C9: variants seen among roughly 807,000 people sequenced by gnomAD.
C9 encodes complement component C9.
A neutral mutation model predicts 65.4 loss-of-function variants in C9; 63 were observed. The ratio of observed to expected loss-of-function variants is 0.96; its 90% CI spans 0.79 to 1.19. The LOEUF (loss-of-function observed/expected upper bound fraction) is 1.19. Among genes scored for constraint, C9 ranks in the 50% most tolerant of loss-of-function variants. C9 has a pLI of 0.00. For missense variants in C9, 744 were observed against 670.1 expected (o/e 1.11, Z -1.22); for synonymous variants, 229 against 227.9 (o/e 1.00, Z -0.04).
At chr5:39,343,719 C>A (rs905893425) in intron 1 of C9, among the ~76,000 whole-genome samples, 1 of 152,224 alleles carries the variant, frequency 6.6e-6, no homozygotes, top group Non-Finnish European at 1.5e-5. Context: ...AATGGACAGA[C>A]TGCCTCCTCA....
At chr5:39,309,873 G>C (rs1753448571) in intron 7 of C9, among the ~76,000 whole-genome samples, 1 of 152,094 alleles carries the variant, frequency 6.6e-6, no homozygotes, top group Non-Finnish European at 1.5e-5. Context: ...ACAACTCCTA[G>C]TCTGAAGATT....
At chr5:39,349,916 C>T (rs1354686934) in intron 1 of C9, among the ~76,000 whole-genome samples, 1 of 152,206 alleles carries the variant, frequency 6.6e-6, no homozygotes, top group Non-Finnish European at 1.5e-5. Flanking sequence ...ATGTCTCTCT[C>T]TCTCTCTTAT....
intron 5 of C9, among the ~76,000 whole-genome samples, chr5:39,322,969 A>G (rs1451345110): frequency 4.6e-5 from 7 of 152,096 alleles, no homozygotes; most frequent in Admixed American, 6.5e-5. Context: ...AATTCCTCAT[A>G]GATACTGAGG....
chr5:39,331,790 G>A lies in C9; in HGVS notation c.501C>T (p.Pro167=). The A allele has an allele frequency of 7.4e-6, 12 of 1,613,552 alleles. No individual in the cohort carries two copies. The highest frequency in any genetic ancestry group is 9.3e-6 in the Non-Finnish European group (11 of 1,179,482). Residue 167 remains proline (P), a synonymous_variant, in exon 5 of 11, where the codon CCC becomes CCT. Transcript: ENST00000263408. Reference sequence around the variant, plus strand: ...ACTCATTGTCAAAAGGTGTGCTTAGGGGATCCATCCCTAAAATGTTGATCC... The same window carrying A: ...ACTCATTGTCAAAAGGTGTGCTTAGAGGATCCATCCCTAAAATGTTGATCC... ...GYGINILGMD[P]LSTPFDNEFY... is the part of the protein sequence containing the mutation.
intron 4 of C9, among the ~76,000 whole-genome samples, chr5:39,332,351 A>G (rs1244229210): frequency 1.3e-5 from 2 of 152,184 alleles, no homozygotes; most frequent in South Asian, 2.1e-4. Context: ...CTCCAGGCTT[A>G]TATTATTCCC....
chr5:39,342,171 T>G lies in C9; in HGVS notation c.103A>C (p.Ser35Arg). 3 of 1,603,042 alleles carry G rather than the reference T, an allele frequency of 1.9e-6. No individual in the cohort carries two copies. In the South Asian group the frequency reaches 3.3e-5, roughly 18 times the overall value. Reference protein sequence around the residue: ...TSYDPELTESSGSASHIDCRM... With the variant: ...TSYDPELTESRGSASHIDCRM... Reference sequence around the variant, plus strand: ...CAGTCTATGTGTGATGCAGAGCCACTGCTTTCTGTTAGCTCTGGGTCATAA... The same window carrying G: ...CAGTCTATGTGTGATGCAGAGCCACGGCTTTCTGTTAGCTCTGGGTCATAA... Residue 35 changes from serine (S) to arginine (R), a missense_variant, in exon 2 of 11, where the codon AGT becomes CGT. Ser to Arg is a moderately radical substitution (Grantham distance 110, BLOSUM62 -1). Coordinates refer to ENST00000263408, the MANE Select transcript of C9 (RefSeq NM_001737.5).
intron 8 of C9, among the ~76,000 whole-genome samples, chr5:39,307,666 T>A (rs1226395699): frequency 1.3e-5 from 2 of 152,144 alleles, no homozygotes; most frequent in Non-Finnish European, 1.5e-5. Context: ...GTATTTCTGA[T>A]TAGAGGAAAA....
At chr5:39,359,010 A>C (rs1206568091) in intron 1 of C9, among the ~76,000 whole-genome samples, 4 of 39,612 alleles carry the variant, frequency 1.0e-4, no homozygotes, top group Non-Finnish European at 1.9e-4. Flanking sequence ...TAAATAAATA[A>C]ATAAAAAATA....
At chr5:39,331,840 A>C in intron 4 of C9, 26 bp from the exon 5 acceptor site, 1 of 1,608,602 alleles carries the variant, frequency 6.2e-7, no homozygotes, top group Admixed American at 1.7e-5. Context: ...GTAGTATCAG[A>C]AGTGGAAATA....
intron 6 of C9, among the ~76,000 whole-genome samples, chr5:39,314,171 T>TG (rs1233204321): frequency 6.6e-6 from 1 of 152,072 alleles, no homozygotes; most frequent in Non-Finnish European, 1.5e-5. Flanking sequence ...TCAAGTAGGC[T>TG]GGGCGCGGTG....
At position 39,285,161 on chromosome 5, in the gene C9, T is replaced by G. The variant is rs1431279191; in HGVS notation, c.*38A>C. Reference sequence around the variant, plus strand: ...GGGGTAGGATCTGAAGGTACTAGTGTTTTCTTCTTCCACTGGAGCTCAGAG... The same window carrying G: ...GGGGTAGGATCTGAAGGTACTAGTGGTTTCTTCTTCCACTGGAGCTCAGAG... On this transcript the variant is annotated 3_prime_UTR_variant, in exon 11 of 11. Transcript: ENST00000263408. The G allele has an allele frequency of 1.3e-6, 2 of 1,583,660 alleles. No individual in the cohort carries two copies. The highest frequency in any genetic ancestry group is 1.7e-6 in the Non-Finnish European group (2 of 1,152,514).
chr5:39,327,029 C>A (rs1753757590), intron 5 of C9, among the ~76,000 whole-genome samples: 1 of 151,874 alleles, frequency 6.6e-6, no homozygotes, highest in Non-Finnish European at 1.5e-5. Flanking sequence ...GAGATAGCAA[C>A]CAAAAAGCAC....
At chr5:39,302,621 C>T (rs1367749575) in intron 9 of C9, among the ~76,000 whole-genome samples, 1 of 152,064 alleles carries the variant, frequency 6.6e-6, no homozygotes, top group Non-Finnish European at 1.5e-5. Context: ...ATTACTACAT[C>T]ATGTAACTCT....
At position 39,335,134 on chromosome 5, in the gene C9, A is replaced by G. The variant is rs1277557373; in HGVS notation, c.477-3320T>C. 2.0e-5 allele frequency among the ~76,000 whole-genome samples: 3 copies of G among 152,354 alleles called. No homozygotes were observed. The East Asian group carries it at 5.8e-4, about 29-fold the overall frequency. ...AAGATCTCAGCTACATTTTCTTTATATGATAGTGAACTACATATCTGGTGT... is the reference window on the plus strand; with the variant it reads ...AAGATCTCAGCTACATTTTCTTTATGTGATAGTGAACTACATATCTGGTGT... On this transcript the variant is annotated intron_variant, in intron 4 of 10. Coordinates refer to ENST00000263408, the MANE Select transcript of C9 (RefSeq NM_001737.5).
chr5:39,359,102 G>GTGTGTGTGTGTGTATATATA (rs1407613505), intron 1 of C9, among the ~76,000 whole-genome samples: 1 of 103,664 alleles, frequency 9.6e-6, no homozygotes, highest in Non-Finnish European at 1.9e-5. Context: ...GTGTGTGTGT[G>GTGTGTGTGTGTGTATATATA]TATATATATA....
intron 9 of C9, among the ~76,000 whole-genome samples, chr5:39,293,230 A>T (rs988723260): frequency 1.3e-5 from 2 of 152,060 alleles, no homozygotes; most frequent in Non-Finnish European, 2.9e-5. Context: ...CCTTGAAGGT[A>T]AATACATTAA....
intron 1 of C9, among the ~76,000 whole-genome samples, chr5:39,355,935 A>G (rs1754406605): frequency 6.6e-6 from 1 of 152,138 alleles, no homozygotes; most frequent in Admixed American, 6.5e-5. Flanking sequence ...CCTCATTTTA[A>G]CTTAATTACC....
intron 9 of C9, 24 bp from the exon 10 acceptor site, chr5:39,288,975 T>G: frequency 7.9e-7 from 1 of 1,261,484 alleles, no homozygotes; most frequent in Non-Finnish European, 1.2e-6. Context: ...AAACATTTAA[T>G]TTTAGGTCCT....
chr5:39,309,427 A>G (rs749971448), intron 7 of C9, among the ~76,000 whole-genome samples: 3 of 152,178 alleles, frequency 2.0e-5, no homozygotes, highest in Non-Finnish European at 4.4e-5. Flanking sequence ...GCGTTTATTC[A>G]CCTATCAAAT....
Sources: gnomAD v4.1 joint callset for allele counts (sites outside exome capture counted in the v4.1 genomes callset) on GRCh38, gnomAD v4.1.1 for gene constraint, MANE v1.5 for transcripts, NCBI Gene and HGNC (gene_info 2026-07-23, HGNC 2026-07-21) for gene names.